The following GUCY1A2 variants were observed in gnomAD, a reference collection of about 807,000 sequenced individuals.
GUCY1A2 encodes the protein guanylate cyclase 1 soluble subunit alpha 2, also known as guanylate cyclase soluble subunit alpha-2.
In GUCY1A2, 27 loss-of-function variants were observed where a neutral mutation model predicts 63.5. The observed-to-expected ratio is 0.43, with a 90% CI of 0.31 to 0.59. The LOEUF (loss-of-function observed/expected upper bound fraction) is 0.59, where lower values mean the gene tolerates loss of function less well. GUCY1A2 is among the 20% of genes least tolerant of loss of function. The pLI is 0.11. For synonymous variants in GUCY1A2, 364 were observed against 343.5 expected, an observed-to-expected ratio of 1.06 and a Z score of -0.66; for missense variants, 768 against 913.3, an observed-to-expected ratio of 0.84 and a Z score of 2.05.
At chr11:106,988,187 T>G (rs753603946) in intron 1 of GUCY1A2, among the ~76,000 whole-genome samples, 47 of 152,330 alleles carry the variant, frequency 3.1e-4, no homozygotes, top group Non-Finnish European at 5.9e-4. Context: ...GTGATCCTAG[T>G]GCACACAGAA....
intron 4 of GUCY1A2, among the ~76,000 whole-genome samples, chr11:106,832,086 C>T (rs1293455614): frequency 6.6e-6 from 1 of 152,034 alleles, no homozygotes; most frequent in African/African-American, 2.4e-5. Flanking sequence ...ATTCTGAATC[C>T]AAAGCTTTGC....
At position 106,683,795 on chromosome 11, in the gene GUCY1A2, A is replaced by G. The variant is rs934673958; in HGVS notation, c.*3754T>C. ...CTGCTCTCAGAAAGTCAGGGACCCAAGGAGCCTTCAACAAATATATTTAAT... is the reference window on the plus strand; with the variant it reads ...CTGCTCTCAGAAAGTCAGGGACCCAGGGAGCCTTCAACAAATATATTTAAT... On this transcript the variant is annotated 3_prime_UTR_variant, in exon 8 of 8. Coordinates refer to ENST00000526355, the MANE Select transcript of GUCY1A2 (RefSeq NM_000855.3). 9.3e-6 allele frequency: 2 copies of G among 215,394 alleles called. No homozygotes were observed. Among genetic ancestry groups the G allele is most frequent in the African/African-American group, 2.3e-5 (1 of 44,324 alleles). The allele number at this position is 215,394 out of a possible 1,614,324, so 13.3% of individuals were successfully genotyped here.
intron 1 of GUCY1A2, among the ~76,000 whole-genome samples, chr11:106,995,177 T>G (rs1861519063): frequency 6.6e-6 from 1 of 152,208 alleles, no homozygotes; most frequent in South Asian, 2.1e-4. Context: ...ATGGGGAAGC[T>G]TTCTGGGTTA....
intron 2 of GUCY1A2, among the ~76,000 whole-genome samples, chr11:106,982,346 T>A (rs142568419): frequency 2.0e-5 from 3 of 152,294 alleles, no homozygotes; most frequent in African/African-American, 7.2e-5. Context: ...ACTGACTTCT[T>A]CTGCTCCTCA....
At chr11:106,887,904 T>C (rs1419024338) in intron 4 of GUCY1A2, among the ~76,000 whole-genome samples, 2 of 152,174 alleles carry the variant, frequency 1.3e-5, no homozygotes, top group Non-Finnish European at 2.9e-5. Flanking sequence ...CATTATTACA[T>C]CAGAGATTGT....
At chr11:106,767,292 A>G (rs934896193) in intron 6 of GUCY1A2, among the ~76,000 whole-genome samples, 6 of 152,256 alleles carry the variant, frequency 3.9e-5, no homozygotes, top group East Asian at 1.9e-4. Flanking sequence ...CACAAAATCA[A>G]ACTAAGCAAT....
chr11:107,002,442 A>G (rs1420560002), intron 1 of GUCY1A2, among the ~76,000 whole-genome samples: 1 of 151,948 alleles, frequency 6.6e-6, no homozygotes, highest in Admixed American at 6.6e-5. Context: ...AAATATATAA[A>G]CTTTTATAAC....
intron 1 of GUCY1A2, among the ~76,000 whole-genome samples, chr11:106,997,488 A>G (rs766839253): frequency 2.0e-5 from 3 of 152,106 alleles, no homozygotes; most frequent in Non-Finnish European, 4.4e-5. Flanking sequence ...ACACAGGCCT[A>G]TGTTGTGTAA....
At chr11:106,831,031 A>G (rs1211700164) in intron 4 of GUCY1A2, among the ~76,000 whole-genome samples, 1 of 152,152 alleles carries the variant, frequency 6.6e-6, no homozygotes, top group Non-Finnish European at 1.5e-5. Context: ...GAAGCTATAT[A>G]AGCTTCATAA....
At position 106,818,161 on chromosome 11, in the gene GUCY1A2, T is replaced by C. The variant is rs1858855725; in HGVS notation, c.1207-7683A>G. ...ACAAGCATACCTCATTTTATTGTGC[T>C]TCACTTTATTGCCCTTTGCAGATAT... On this transcript the variant is annotated intron_variant, in intron 4 of 7. Transcript: ENST00000526355. Among the ~76,000 whole-genome samples, 4 of 152,206 alleles carry C rather than the reference T, an allele frequency of 2.6e-5. 1 individual carries two copies. The highest frequency in any genetic ancestry group is 2.6e-4 in the Admixed American group (4 of 15,274).
chr11:106,918,593 CAT>C (rs1388778812), intron 4 of GUCY1A2, among the ~76,000 whole-genome samples: 9 of 145,388 alleles, frequency 6.2e-5, no homozygotes, highest in East Asian at 2.1e-4. Flanking sequence ...AGACATTACA[CAT>C]GTCACATTAA....
intron 5 of GUCY1A2, among the ~76,000 whole-genome samples, chr11:106,801,875 A>G (rs1181756170): frequency 6.6e-6 from 1 of 152,266 alleles, no homozygotes; most frequent in East Asian, 1.9e-4. Flanking sequence ...TTGAAATAAA[A>G]ATTTAAAAAC....
At chr11:106,845,699 A>T (rs999903954) in intron 4 of GUCY1A2, among the ~76,000 whole-genome samples, 2 of 151,664 alleles carry the variant, frequency 1.3e-5, no homozygotes, top group African/African-American at 4.8e-5. Flanking sequence ...ATGAGGTCAT[A>T]GTTGTGCTTA....
chr11:106,909,418 A>C (rs1470886488), intron 4 of GUCY1A2, among the ~76,000 whole-genome samples: 5 of 97,250 alleles, frequency 5.1e-5, no homozygotes, highest in African/African-American at 1.9e-4. Context: ...CAACTTTTTC[A>C]TATGTGTAGG....
chr11:106,818,817 G>T (rs1281611516), intron 4 of GUCY1A2, among the ~76,000 whole-genome samples: 1 of 152,180 alleles, frequency 6.6e-6, no homozygotes, highest in African/African-American at 2.4e-5. Context: ...AGTTTTAGTA[G>T]TATGCATGGA....
chr11:106,713,798 G>A (rs1487965630), intron 6 of GUCY1A2, among the ~76,000 whole-genome samples: 1 of 151,770 alleles, frequency 6.6e-6, no homozygotes, highest in East Asian at 1.9e-4. Flanking sequence ...GAGCCACCGC[G>A]CCCAGCCCAA....
At chr11:106,911,654 C>T (rs1455458807) in intron 4 of GUCY1A2, among the ~76,000 whole-genome samples, 2 of 152,038 alleles carry the variant, frequency 1.3e-5, no homozygotes, top group African/African-American at 4.8e-5. Flanking sequence ...GTTGTATGCA[C>T]AGCACCTAAT....
chr11:106,871,022 T>G (rs1240322164), intron 4 of GUCY1A2, among the ~76,000 whole-genome samples: 3 of 152,130 alleles, frequency 2.0e-5, no homozygotes, highest in Admixed American at 6.6e-5. Flanking sequence ...AAGGACCATG[T>G]CCATATTTCC....
At chr11:106,817,042 G>T (rs1020791477) in intron 4 of GUCY1A2, among the ~76,000 whole-genome samples, 1 of 152,024 alleles carries the variant, frequency 6.6e-6, no homozygotes, top group African/African-American at 2.4e-5. Flanking sequence ...ACACCATTTT[G>T]TCAGTGTCTT....
Sources: allele counts gnomAD v4.1 joint callset (sites outside exome capture counted in the v4.1 genomes callset), GRCh38; gene constraint gnomAD v4.1.1; transcripts MANE v1.5; gene names NCBI Gene and HGNC (gene_info 2026-07-23, HGNC 2026-07-21).